The following TRIM40 variants were observed in gnomAD, a reference collection of about 807,000 sequenced individuals.
TRIM40 encodes the protein tripartite motif containing 40.
A neutral mutation model predicts 26.1 loss-of-function variants in TRIM40; 27 were observed. The ratio of observed to expected loss-of-function variants is 1.04; its 90% CI spans 0.76 to 1.43. The LOEUF is 1.43. Ranked by LOEUF, TRIM40 falls within the 40% of genes most tolerant of loss-of-function variation. TRIM40 has a pLI of 0.00. For synonymous variants in TRIM40, 114 were observed against 120.0 expected, an observed-to-expected ratio of 0.95 and a Z score of 0.33; for missense variants, 289 against 307.9, an observed-to-expected ratio of 0.94 and a Z score of 0.46.
intron 4 of TRIM40, 48 bp from the exon 5 acceptor site, chr6:30,147,472 A>G: frequency 6.2e-7 from 1 of 1,613,482 alleles, no homozygotes; most frequent in Non-Finnish European, 8.5e-7. Context: ...TTTGGAGGTG[A>G]TAGGAACCTG....
intron 2 of TRIM40, among the ~76,000 whole-genome samples, chr6:30,145,739 T>C (rs1345010394): frequency 2.0e-5 from 3 of 152,244 alleles, no homozygotes; most frequent in Non-Finnish European, 4.4e-5. Flanking sequence ...AATGGTTCTG[T>C]TGCTATCTAT....
At position 30,147,524 on chromosome 6, in the gene TRIM40, C is replaced by T; in HGVS notation, c.671C>T (p.Ala224Val). The T allele has an allele frequency of 6.2e-7, 1 of 1,614,132 alleles. No individual in the cohort carries two copies. Among genetic ancestry groups the T allele is most frequent in the Non-Finnish European group, 8.5e-7 (1 of 1,180,042 alleles). Residue 224 changes from alanine (A) to valine (V), a missense_variant, in exon 5 of 6, where the codon GCT (alanine) becomes GTT (valine). Transcript: ENST00000396581. The stretch of plus-strand genomic sequence containing the variant: ...CTCACTTTTTCTCTCTCCTAGAATG[C>T]TGGTGACTTACTGAACAGGTACGAG... ...KELDTNTLKN[A>V]GDLLNRSAPQ...
chr6:30,147,848 C>A lies in TRIM40; in HGVS notation c.*36C>A. On this transcript the variant is annotated 3_prime_UTR_variant, in exon 6 of 6. Transcript: ENST00000396581. ...CCTGGGACACCTCACTTCAGGCTCA[C>A]CTCAGCCTCCTCTCTCTCCTTCCTC... The A allele has an allele frequency of 6.4e-7, 1 of 1,573,626 alleles. No homozygotes were observed. Among genetic ancestry groups the A allele is most frequent in the Non-Finnish European group, 8.7e-7 (1 of 1,143,204 alleles).
chr6:30,144,953 C>T (rs1229586302), intron 2 of TRIM40, among the ~76,000 whole-genome samples: 4 of 152,120 alleles, frequency 2.6e-5, no homozygotes, highest in African/African-American at 4.8e-5. Flanking sequence ...TTTTTTATTT[C>T]GTCTCTGCTG....
chr6:30,141,858 G>C (rs952207454), intron 2 of TRIM40, among the ~76,000 whole-genome samples: 1 of 152,190 alleles, frequency 6.6e-6, no homozygotes, highest in African/African-American at 2.4e-5. Flanking sequence ...ACTATGTAGG[G>C]TTGGCAGACA....
rs746692834 is a variant in TRIM40 at position 30,147,503 on chromosome 6, CT to C, written c.667-12del. On this transcript the variant is annotated splice_polypyrimidine_tract_variant and intron_variant, in intron 4 of 5. Coordinates refer to ENST00000396581, the MANE Select transcript of TRIM40 (RefSeq NM_001286633.2). Reference sequence around the variant, plus strand: ...ACCTGAGAACCAATTATGATTCTCACTTTTTCTCTCTCCTAGAATGCTGGTG... The same window carrying C: ...ACCTGAGAACCAATTATGATTCTCACTTTTCTCTCTCCTAGAATGCTGGTG... The C allele has an allele frequency of 4.3e-6, 7 of 1,613,758 alleles. No individual in the cohort carries two copies. The African/African-American group carries it at 9.3e-5, about 22-fold the overall frequency.
intron 3 of TRIM40, among the ~76,000 whole-genome samples, chr6:30,146,386 G>A (rs2127427054): frequency 6.6e-6 from 1 of 152,162 alleles, no homozygotes; most frequent in South Asian, 2.1e-4. Context: ...TACTACACAA[G>A]CCATAGGCCT....
chr6:30,144,990 G>A (rs1424231523), intron 2 of TRIM40, among the ~76,000 whole-genome samples: 1 of 152,124 alleles, frequency 6.6e-6, no homozygotes, highest in African/African-American at 2.4e-5. Flanking sequence ...AACACCCAGT[G>A]ACGTGACACG....
At chr6:30,139,948 C>G (rs1771248172) in intron 2 of TRIM40, among the ~76,000 whole-genome samples, 1 of 152,190 alleles carries the variant, frequency 6.6e-6, no homozygotes, top group South Asian at 2.1e-4. Context: ...GACATTTATG[C>G]AACCAACAGA....
chr6:30,139,339 C>CTTTTTTTTTTT (rs9278591), intron 2 of TRIM40, among the ~76,000 whole-genome samples: 9 of 77,860 alleles, frequency 1.2e-4, no homozygotes, highest in Non-Finnish European at 1.7e-4. Flanking sequence ...ACTTTTTTTT[C>CTTTTTTTTTTT]TTTTTTTTTT....
At chr6:30,145,854 C>T in intron 2 of TRIM40, 140 bp from the exon 3 acceptor site, 1 of 640,224 alleles carries the variant, frequency 1.6e-6, no homozygotes. Context: ...AACCATGATG[C>T]TCTAAAAGCA....
At position 30,146,908 on chromosome 6, in the gene TRIM40, G is replaced by A. The variant is rs1446465900; in HGVS notation, c.442-77G>A. The A allele has an allele frequency of 6.4e-6, 9 of 1,416,474 alleles. No homozygotes were observed. The South Asian group carries it at 7.6e-5, about 12-fold the overall frequency. 87.7% of individuals were successfully genotyped at this position (1,416,474 alleles called of 1,614,324 possible). On this transcript the variant is annotated intron_variant, in intron 3 of 5. Transcript: ENST00000396581. ...AGAGGACTGAGGAATCAGCATTCCT[G>A]CTCAGACATTCAGAGACTGTGAAGG...
chr6:30,136,706 G>C (rs144276813), intron 1 of TRIM40, 27 bp from the exon 2 acceptor site: 123 of 354,604 alleles, frequency 3.5e-4, no homozygotes, highest in African/African-American at 2.5e-3. Flanking sequence ...AAACAGAATT[G>C]GTTATTGAAT....
At chr6:30,146,481 C>T (rs145056920) in intron 3 of TRIM40, among the ~76,000 whole-genome samples, 12 of 151,976 alleles carry the variant, frequency 7.9e-5, no homozygotes, top group African/African-American at 2.7e-4. Context: ...GCACGAACTC[C>T]GCTCACTGCA....
At chr6:30,146,848 T>C in intron 3 of TRIM40, 137 bp from the exon 4 acceptor site, 1 of 813,106 alleles carries the variant, frequency 1.2e-6, no homozygotes, top group Non-Finnish European at 1.9e-6. Flanking sequence ...GCTTCTGCTA[T>C]ACCTGTGACA....
Position 30,147,092 on chromosome 6 carries a change from G to A in TRIM40, c.549G>A (p.Glu183=), listed in dbSNP as rs972363873. 11 of 1,614,168 alleles carry A rather than the reference G, an allele frequency of 6.8e-6. No homozygotes were observed. The highest frequency in any genetic ancestry group is 2.2e-5 in the East Asian group (1 of 44,880). ...ALPQQWLGQL[E]HMPAEAARIL... Reference sequence around the variant, plus strand: ...CTCAGCAGTGGCTGGGCCAGCTGGAGCACATGCCAGCAGAAGCGGCCAGAA... The same window carrying A: ...CTCAGCAGTGGCTGGGCCAGCTGGAACACATGCCAGCAGAAGCGGCCAGAA... Residue 183 remains glutamate (E), a synonymous_variant, in exon 4 of 6, where the codon GAG becomes GAA. Transcript: ENST00000396581.
In TRIM40 at chr6:30,146,156, T is replaced by G. The variant is rs1771634253; in HGVS notation, c.441+67T>G. On this transcript the variant is annotated intron_variant, in intron 3 of 5. Coordinates refer to ENST00000396581, the MANE Select transcript of TRIM40 (RefSeq NM_001286633.2). The stretch of plus-strand genomic sequence containing the variant: ...CTCAGGAGCCCTTACTTAACTATTC[T>G]GGACATCTGTCTGTCCCTGGAACAG... 3.1e-6 allele frequency: 4 copies of G among 1,306,778 alleles called. No individual in the cohort carries two copies. In the East Asian group the frequency reaches 9.8e-5, roughly 32 times the overall value. 80.9% of individuals were successfully genotyped at this position (1,306,778 alleles called of 1,614,324 possible).
At chr6:30,143,751 T>A (rs1771488201) in intron 2 of TRIM40, among the ~76,000 whole-genome samples, 1 of 152,132 alleles carries the variant, frequency 6.6e-6, no homozygotes, top group Admixed American at 6.6e-5. Flanking sequence ...TTAAATACCT[T>A]TATGCAAAAA....
In TRIM40 at chr6:30,147,990, C is replaced by A; in HGVS notation, c.*178C>A. On this transcript the variant is annotated 3_prime_UTR_variant, in exon 6 of 6. Coordinates refer to ENST00000396581, the MANE Select transcript of TRIM40 (RefSeq NM_001286633.2). ...TCACCTGATGCCTGACCCTCTGACT[C>A]TTGGACGATAGCCAGCCTCCTTCCA... 1 of 614,614 alleles carries A rather than the reference C, an allele frequency of 1.6e-6. No homozygotes were observed. Among genetic ancestry groups the A allele is most frequent in the South Asian group, 2.0e-5 (1 of 50,832 alleles). 38.1% of individuals were successfully genotyped at this position (614,614 alleles called of 1,614,324 possible). A position where few individuals can be genotyped will look rare whatever the true frequency, so the allele number is the denominator to read the frequency against.
Sources: allele counts gnomAD v4.1 joint callset (sites outside exome capture counted in the v4.1 genomes callset), GRCh38; gene constraint gnomAD v4.1.1; transcripts MANE v1.5; gene names NCBI Gene and HGNC (gene_info 2026-07-23, HGNC 2026-07-21).